USP34: variants seen among roughly 807,000 people sequenced by gnomAD.
USP34 encodes ubiquitin specific peptidase 34, also known as ubiquitin carboxyl-terminal hydrolase 34.
Under a neutral mutation model 460.3 loss-of-function variants are expected in USP34, and 70 were observed. That is an observed-to-expected ratio of 0.15 (90% confidence interval 0.13 to 0.19). USP34 has a LOEUF of 0.19. Among genes scored for constraint, USP34 ranks in the 10% least tolerant of loss-of-function variants. USP34 has a pLI of 1.00. For synonymous variants in USP34, 1,647 were observed against 1,405.3 expected, an observed-to-expected ratio of 1.17 and a Z score of -3.85; for missense variants, 3,985 against 4,236.2, an observed-to-expected ratio of 0.94 and a Z score of 1.65.
intron 30 of USP34, 138 bp from the exon 31 acceptor site, chr2:61,295,428 G>A: frequency 1.1e-6 from 1 of 894,036 alleles, no homozygotes; most frequent in South Asian, 3.8e-5. Context: ...ATGAAGACTA[G>A]GTATATAACT....
Position 61,348,106 on chromosome 2 carries a change from T to A in USP34, c.2049A>T (p.Pro683=), listed in dbSNP as rs564141563. Residue 683 remains proline, a synonymous_variant, in exon 15 of 80, where the codon CCA becomes CCT. Transcript: ENST00000398571. The part of the protein sequence containing the change: ...KDLVFNTESL[P]SVDNRMRMLD... The stretch of plus-strand genomic sequence containing the variant: ...GCATTCGCATTCGATTATCTACTGA[T>A]GGCAATGATTCAGTGTTAAAAACCA... 7 of 1,614,114 alleles carry A rather than the reference T, an allele frequency of 4.3e-6. No individual in the cohort carries two copies. The highest frequency in any genetic ancestry group is 1.3e-5 in the African/African-American group (1 of 74,938).
In USP34 at chr2:61,189,158, C is replaced by T. The variant is rs938760648; in HGVS notation, c.9874-89G>A. The T allele has an allele frequency of 5.1e-6, 7 of 1,383,100 alleles. No individual in the cohort carries two copies. The African/African-American group carries it at 8.7e-5, about 17-fold the overall frequency. 85.7% of individuals were successfully genotyped at this position (1,383,100 alleles called of 1,614,324 possible). On this transcript the variant is annotated intron_variant, in intron 78 of 79. Coordinates refer to ENST00000398571, the MANE Select transcript of USP34 (RefSeq NM_014709.4). ...AGTTAATTGCAGATGTTTATTTTCC[C>T]AGGAATCCATTCTTTCCTAAGAATA...
At chr2:61,216,572 C>A (rs1483999928) in intron 67 of USP34, among the ~76,000 whole-genome samples, 6 of 151,134 alleles carry the variant, frequency 4.0e-5, no homozygotes, top group Non-Finnish European at 5.9e-5. Context: ...TGCACTCCAG[C>A]CTGGGTGACT....
rs1180971325 is a variant in USP34 at position 61,343,734 on chromosome 2, T to C, written c.2500+81A>G. On this transcript the variant is annotated intron_variant, in intron 16 of 79. Coordinates refer to ENST00000398571, the MANE Select transcript of USP34 (RefSeq NM_014709.4). ...AACATTTAAGTACCATAACCTTAAC[T>C]ATTGAGTCCTTTCAACAAAGTAAGA... is the stretch of plus-strand genomic sequence containing the variant. 4.2e-6 allele frequency: 6 copies of C among 1,424,768 alleles called. No individual in the cohort carries two copies. In the African/African-American group the frequency reaches 4.3e-5, roughly 10 times the overall value. 88.3% of individuals were successfully genotyped at this position (1,424,768 alleles called of 1,614,324 possible). A position where few individuals can be genotyped will look rare whatever the true frequency, so the allele number is the denominator to read the frequency against.
intron 12 of USP34, among the ~76,000 whole-genome samples, chr2:61,349,687 A>G (rs1266699719): frequency 6.6e-6 from 1 of 152,010 alleles, no homozygotes; most frequent in Non-Finnish European, 1.5e-5. Context: ...AAAAATACAA[A>G]AAAATTAGCT....
At chr2:61,407,987 C>T (rs1409024667) in intron 2 of USP34, among the ~76,000 whole-genome samples, 1 of 152,080 alleles carries the variant, frequency 6.6e-6, no homozygotes, top group Non-Finnish European at 1.5e-5. Flanking sequence ...TGGTGGTGGG[C>T]ACCTGTAATC....
chr2:61,272,114 T>C (rs1280628664), intron 41 of USP34, among the ~76,000 whole-genome samples: 1 of 152,138 alleles, frequency 6.6e-6, no homozygotes, highest in Non-Finnish European at 1.5e-5. Flanking sequence ...AGGCTTAAAA[T>C]TCAGGAGTCA....
rs770453324 is a variant in USP34 at position 61,339,482 on chromosome 2, T to C, written c.2617-4A>G. ...TTAATCCTTCAGAAAGATTAACCTA[T>C]AAAAAATGTATATAAAATTACTATT... is the stretch of plus-strand genomic sequence containing the variant. On this transcript the variant is annotated splice_polypyrimidine_tract_variant and splice_region_variant and intron_variant, in intron 17 of 79. Transcript: ENST00000398571. 15 of 1,565,024 alleles carry C rather than the reference T, an allele frequency of 9.6e-6. No homozygotes were observed. The highest frequency in any genetic ancestry group is 8.5e-5 in the South Asian group (7 of 82,312).
At chr2:61,221,788 A>G (rs923574128) in intron 65 of USP34, 182 bp from the exon 66 acceptor site, 1 of 479,596 alleles carries the variant, frequency 2.1e-6, no homozygotes, top group African/African-American at 2.0e-5. Flanking sequence ...GAGGGGTACA[A>G]AGTCAACCGG....
chr2:61,259,023 G>A (rs1663650880), intron 44 of USP34, among the ~76,000 whole-genome samples: 1 of 152,140 alleles, frequency 6.6e-6, no homozygotes, highest in Non-Finnish European at 1.5e-5. Flanking sequence ...ACTTTGGGAG[G>A]CTGAGGCAGG....
intron 27 of USP34, among the ~76,000 whole-genome samples, chr2:61,304,486 T>G (rs1690340069): frequency 6.6e-6 from 1 of 152,224 alleles, no homozygotes; most frequent in Admixed American, 6.5e-5. Flanking sequence ...GTGATGATAT[T>G]TGGAGGTGGG....
At chr2:61,336,809 CAAAAAAAA>C (rs10593128) in intron 18 of USP34, among the ~76,000 whole-genome samples, 1 of 65,052 alleles carries the variant, frequency 1.5e-5, no homozygotes, top group East Asian at 5.1e-4. Flanking sequence ...GACTCCATCT[CAAAAAAAA>C]AAAAAAAAAA....
At chr2:61,292,651 C>G (rs1558513228) in intron 33 of USP34, among the ~76,000 whole-genome samples, 1 of 151,612 alleles carries the variant, frequency 6.6e-6, no homozygotes, top group African/African-American at 2.4e-5. Flanking sequence ...AAAGGCAATT[C>G]AAAAAAAGCA....
chr2:61,288,615 T>C, intron 34 of USP34, 62 bp downstream of exon 34: 1 of 1,533,924 alleles, frequency 6.5e-7, no homozygotes, highest in South Asian at 1.1e-5. Flanking sequence ...AGCATTAGCA[T>C]ATTTCTTCAG....
At chr2:61,281,048 T>TTTCAAAAATAGAAACTGC in intron 38 of USP34, 42 bp downstream of exon 38, 1 of 1,586,074 alleles carries the variant, frequency 6.3e-7, no homozygotes, top group East Asian at 2.3e-5. Flanking sequence ...GCAAAGGAAA[T>TTTCAAAAATAGAAACTGC]TTCAAAAATA....
At chr2:61,315,926 G>A (rs532067756) in intron 23 of USP34, among the ~76,000 whole-genome samples, 21 of 152,096 alleles carry the variant, frequency 1.4e-4, no homozygotes, top group Admixed American at 6.5e-5. Flanking sequence ...TGGGCCGTGT[G>A]GAGTGGCTCA....
At chr2:61,387,061 C>T (rs1194324590) in intron 5 of USP34, among the ~76,000 whole-genome samples, 1 of 152,086 alleles carries the variant, frequency 6.6e-6, no homozygotes, top group Non-Finnish European at 1.5e-5. Context: ...AAGAAAAAGA[C>T]AATCCAATTT....
intron 3 of USP34, among the ~76,000 whole-genome samples, chr2:61,403,413 A>C (rs1031028859): frequency 1.3e-5 from 2 of 152,170 alleles, no homozygotes; most frequent in Non-Finnish European, 2.9e-5. Flanking sequence ...GTCCCTAACG[A>C]AACTATTTTC....
intron 43 of USP34, among the ~76,000 whole-genome samples, chr2:61,260,980 C>T (rs1264888993): frequency 6.6e-6 from 1 of 152,154 alleles, no homozygotes; most frequent in Non-Finnish European, 1.5e-5. Flanking sequence ...AAATTGTGTT[C>T]ACATCCATTA....
Sources: allele counts gnomAD v4.1 joint callset (sites outside exome capture counted in the v4.1 genomes callset), GRCh38; gene constraint gnomAD v4.1.1; transcripts MANE v1.5; gene names NCBI Gene and HGNC (gene_info 2026-07-23, HGNC 2026-07-21).